The following XRN1 variants were observed in gnomAD, a reference collection of about 807,000 sequenced individuals.
XRN1 encodes 5'-3' exoribonuclease 1, also known as strand-exchange protein 1 homolog.
XRN1 carries 67 observed loss-of-function variants against 222.3 expected under a neutral mutation model. The observed-to-expected ratio is 0.30, with a 90% CI of 0.25 to 0.37. The LOEUF (loss-of-function observed/expected upper bound fraction) is 0.37. Among genes scored for constraint, XRN1 ranks in the 10% least tolerant of loss-of-function variants. The pLI is 1.00. For synonymous variants in XRN1, 643 were observed against 652.4 expected, an observed-to-expected ratio of 0.99 and a Z score of 0.22; for missense variants, 1,707 against 2,000.2, an observed-to-expected ratio of 0.85 and a Z score of 2.80.
Position 142,372,522 on chromosome 3 carries a change from T to C in XRN1, c.2979-1194A>G, listed in dbSNP as rs79421176. On this transcript the variant is annotated intron_variant, in intron 25 of 40. Coordinates refer to ENST00000392981, the MANE Select transcript of XRN1 (RefSeq NM_001282857.2). Reference sequence around the variant, plus strand: ...CTGGGATGGCCCTTCAGACTTGCCATGAATTGGGACAATCAGAATGTCTGG... The same window carrying C: ...CTGGGATGGCCCTTCAGACTTGCCACGAATTGGGACAATCAGAATGTCTGG... 5.8e-4 allele frequency among the ~76,000 whole-genome samples: 88 copies of C among 152,284 alleles called. 1 individual carries two copies. The East Asian group carries it at 0.017, about 29-fold the overall frequency.
Position 142,383,404 on chromosome 3 carries a change from C to A in XRN1, c.2512G>T (p.Ala838Ser), listed in dbSNP as rs1329332335. ...ATATTGGAGAAACGGGAGTCGAAAG[C>A]TCGGATGTCCTACATAAAATAAAAG... Reference protein sequence around the residue: ...VYQTIVKDIRAFDSRFSNIKT... With the variant: ...VYQTIVKDIRSFDSRFSNIKT... Residue 838 changes from alanine to serine, a missense_variant, in exon 22 of 41, where the codon GCT becomes TCT. Ala to Ser is a moderately conservative substitution (Grantham distance 99). Around this residue, in one of 2 missense-constraint regions of XRN1, gnomAD observed 1,234 missense variants for 1,518.2 expected, o/e 0.81. Coordinates refer to ENST00000392981, the MANE Select transcript of XRN1 (RefSeq NM_001282857.2). The A allele has an allele frequency of 6.2e-7, 1 of 1,611,140 alleles. No individual in the cohort carries two copies. Among genetic ancestry groups the A allele is most frequent in the South Asian group, 1.1e-5 (1 of 90,676 alleles).
At chr3:142,384,915 T>C (rs2067437269) in intron 20 of XRN1, among the ~76,000 whole-genome samples, 1 of 152,204 alleles carries the variant, frequency 6.6e-6, no homozygotes, top group Admixed American at 6.5e-5. Context: ...CTCATAGAGC[T>C]ATACAAAACT....
At chr3:142,366,725 C>T (rs963557851) in intron 27 of XRN1, among the ~76,000 whole-genome samples, 1 of 152,196 alleles carries the variant, frequency 6.6e-6, no homozygotes, top group Admixed American at 6.5e-5. Context: ...AAGACTACAA[C>T]AGCAAAAGGA....
chr3:142,331,475 T>C (rs1245242435), intron 36 of XRN1, among the ~76,000 whole-genome samples: 2 of 152,212 alleles, frequency 1.3e-5, no homozygotes, highest in Admixed American at 6.5e-5. Flanking sequence ...ATATCAATTA[T>C]TAGCACCTAC....
At position 142,444,458 on chromosome 3, in the gene XRN1, A is replaced by G. The variant is rs566788026; in HGVS notation, c.75+3412T>C. On this transcript the variant is annotated intron_variant, in intron 1 of 40. Coordinates refer to ENST00000392981, the MANE Select transcript of XRN1 (RefSeq NM_001282857.2). Reference sequence around the variant, plus strand: ...AAACTCCATGTCTACTAAGAACACAAAAATTAGCTAGGCGTAGTGGCACAC... The same window carrying G: ...AAACTCCATGTCTACTAAGAACACAGAAATTAGCTAGGCGTAGTGGCACAC... 3.9e-5 allele frequency among the ~76,000 whole-genome samples: 6 copies of G among 152,244 alleles called. No individual in the cohort carries two copies. The South Asian group carries it at 1.2e-3, about 32-fold the overall frequency.
intron 29 of XRN1, among the ~76,000 whole-genome samples, chr3:142,364,435 T>G (rs1277741392): frequency 6.6e-6 from 1 of 152,106 alleles, no homozygotes. Context: ...TTTTCCCCCT[T>G]CTCTGATTTT....
intron 30 of XRN1, 116 bp from the exon 31 acceptor site, chr3:142,357,235 T>C: frequency 1.1e-6 from 1 of 932,998 alleles, no homozygotes; most frequent in Non-Finnish European, 1.6e-6. Context: ...ATATTACTTT[T>C]TAATTCGGTA....
Position 142,306,878 on chromosome 3 carries a change from G to C in XRN1, c.*4633C>G, listed in dbSNP as rs770451326. On this transcript the variant is annotated 3_prime_UTR_variant, in exon 41 of 41. Transcript: ENST00000392981. Reference sequence around the variant, plus strand: ...TGAGCACATAAAAGTCTTCCCTTTTGAATTTTTAATAAAATACTTCTCTGT... The same window carrying C: ...TGAGCACATAAAAGTCTTCCCTTTTCAATTTTTAATAAAATACTTCTCTGT... 6.6e-6 allele frequency: 1 copy of C among 152,504 alleles called. No individual in the cohort carries two copies. Among genetic ancestry groups the C allele is most frequent in the Non-Finnish European group, 1.5e-5 (1 of 68,002 alleles). 9.4% of individuals were successfully genotyped at this position (152,504 alleles called of 1,614,324 possible). A position where few individuals can be genotyped will look rare whatever the true frequency, so the allele number is the denominator to read the frequency against.
intron 29 of XRN1, among the ~76,000 whole-genome samples, chr3:142,362,282 C>T (rs537192028): frequency 3.9e-5 from 6 of 152,088 alleles, no homozygotes; most frequent in Non-Finnish European, 8.8e-5. Flanking sequence ...GGATTACAGG[C>T]ATGCACCACC....
intron 32 of XRN1, among the ~76,000 whole-genome samples, chr3:142,348,981 T>C (rs1282261798): frequency 6.6e-6 from 1 of 151,168 alleles, no homozygotes; most frequent in East Asian, 2.0e-4. Flanking sequence ...AGACAGGGTG[T>C]TTGCTCTGTC....
intron 15 of XRN1, among the ~76,000 whole-genome samples, chr3:142,409,302 T>C (rs1379750234): frequency 6.6e-6 from 1 of 152,224 alleles, no homozygotes; most frequent in African/African-American, 2.4e-5. Context: ...TTTTAGCTTT[T>C]ATTAATACAT....
At chr3:142,398,477 C>T (rs1206973585) in intron 19 of XRN1, among the ~76,000 whole-genome samples, 1 of 151,774 alleles carries the variant, frequency 6.6e-6, no homozygotes, top group Non-Finnish European at 1.5e-5. Flanking sequence ...AGCAATCCTC[C>T]TGCCTCAGTC....
In XRN1 at chr3:142,425,590, A is replaced by C. The variant is rs769696701; in HGVS notation, c.407-52T>G. 6 of 1,450,414 alleles carry C rather than the reference A, an allele frequency of 4.1e-6. No homozygotes were observed. In the African/African-American group the frequency reaches 5.7e-5, roughly 14 times the overall value. 89.8% of individuals were successfully genotyped at this position (1,450,414 alleles called of 1,614,324 possible). On this transcript the variant is annotated intron_variant, in intron 3 of 40. Coordinates refer to ENST00000392981, the MANE Select transcript of XRN1 (RefSeq NM_001282857.2). Reference sequence around the variant, plus strand: ...ATCTAAGAAAGACATAAAAACATTAAGTTCTCAGTGACAACACATAACTGA... The same window carrying C: ...ATCTAAGAAAGACATAAAAACATTACGTTCTCAGTGACAACACATAACTGA...
chr3:142,439,807 C>A (rs552050762), intron 1 of XRN1, among the ~76,000 whole-genome samples: 1 of 151,786 alleles, frequency 6.6e-6, no homozygotes, highest in Non-Finnish European at 1.5e-5. Context: ...ACTTTGGAGG[C>A]TCTGGAAAAG....
intron 32 of XRN1, among the ~76,000 whole-genome samples, chr3:142,349,124 CG>C (rs1221861796): frequency 6.7e-6 from 1 of 149,766 alleles, no homozygotes; most frequent in African/African-American, 2.5e-5. Flanking sequence ...GGCTAATTTT[CG>C]TATTGTTTTG....
At chr3:142,409,939 A>G (rs992777483) in intron 15 of XRN1, among the ~76,000 whole-genome samples, 4 of 152,190 alleles carry the variant, frequency 2.6e-5, no homozygotes, top group Admixed American at 6.5e-5. Context: ...TTGTATTTTC[A>G]AATGGTTTGT....
intron 1 of XRN1, among the ~76,000 whole-genome samples, chr3:142,439,150 C>T (rs6777255): frequency 0.61 from 92,174 of 151,498 alleles, 28,878 homozygotes; most frequent in African/African-American, 0.78. Flanking sequence ...GCTATATTGA[C>T]GTTTTACAAG....
chr3:142,319,498 A>T (rs1383962964), intron 37 of XRN1, among the ~76,000 whole-genome samples: 1 of 152,192 alleles, frequency 6.6e-6, no homozygotes, highest in Non-Finnish European at 1.5e-5. Flanking sequence ...TTTTATAAAA[A>T]AGCTTGTTTT....
chr3:142,347,881 A>C (rs1171129555), intron 32 of XRN1, among the ~76,000 whole-genome samples: 1 of 152,086 alleles, frequency 6.6e-6, no homozygotes. Flanking sequence ...TACAGGCATG[A>C]GCCACTGCAC....
Sources: allele counts gnomAD v4.1 joint callset (sites outside exome capture counted in the v4.1 genomes callset), GRCh38; gene constraint gnomAD v4.1.1; regional missense constraint gnomAD v4.1.1; transcripts MANE v1.5; gene names NCBI Gene and HGNC (gene_info 2026-07-23, HGNC 2026-07-21).